The following CUBN variants were observed in gnomAD, a reference collection of about 807,000 sequenced individuals.
The protein encoded by CUBN is cubilin.
A neutral mutation model predicts 405.3 loss-of-function variants in CUBN; 282 were observed. The ratio of observed to expected loss-of-function variants is 0.70; its 90% CI spans 0.63 to 0.77. CUBN has a LOEUF of 0.77. Among genes scored for constraint, CUBN ranks in the 30% least tolerant of loss-of-function variants. CUBN has a pLI of 0.00. For synonymous variants in CUBN, 1,684 were observed against 1,617.0 expected (o/e 1.04, Z -0.99); for missense variants, 4,514 against 4,475.2 (o/e 1.01, Z -0.25).
intron 50 of CUBN, 67 bp from the exon 51 acceptor site, chr10:16,904,182 G>C (rs1841491791): frequency 4.1e-6 from 6 of 1,455,174 alleles, no homozygotes; most frequent in Non-Finnish European, 5.8e-6. Context: ...CAATGAATTT[G>C]ATAAAAACAA....
chr10:16,874,820 G>A (rs1192834923), intron 57 of CUBN, among the ~76,000 whole-genome samples: 3 of 152,070 alleles, frequency 2.0e-5, no homozygotes, highest in Non-Finnish European at 2.9e-5. Flanking sequence ...TCACTTAGCT[G>A]TATTTCATTG....
In CUBN at chr10:17,111,133, C is replaced by G; in HGVS notation, c.884-83G>C. On this transcript the variant is annotated intron_variant, in intron 8 of 66. Transcript: ENST00000377833. ...ATACAAGAGTCAAAACATATAAAAA[C>G]CTTCTCCACCTAAGGAACTATAAAA... is the stretch of plus-strand genomic sequence containing the variant. The G allele has an allele frequency of 2.1e-6, 3 of 1,432,140 alleles. No individual in the cohort carries two copies. In the South Asian group the frequency reaches 3.4e-5, roughly 16 times the overall value. 88.7% of individuals were successfully genotyped at this position (1,432,140 alleles called of 1,614,324 possible).
At chr10:17,072,365 G>C (rs892512677) in intron 17 of CUBN, among the ~76,000 whole-genome samples, 16 of 151,800 alleles carry the variant, frequency 1.1e-4, no homozygotes, top group Admixed American at 1.3e-4. Context: ...TTTTGCCATT[G>C]AAAGAAAAAA....
At chr10:16,923,820 C>T (rs1842107382) in intron 43 of CUBN, among the ~76,000 whole-genome samples, 1 of 152,102 alleles carries the variant, frequency 6.6e-6, no homozygotes, top group Non-Finnish European at 1.5e-5. Flanking sequence ...TCCAGTAATC[C>T]TAGCACTTTG....
rs7070148 is a variant in CUBN at position 17,122,626 on chromosome 10, A to T, written c.593+169T>A. ...GTAAAGGACTCATGAGCTTTTCTTC[A>T]GTTAAGTAAAAATAGCTATGTAGAC... On this transcript the variant is annotated intron_variant, in intron 6 of 66. Transcript: ENST00000377833. The T allele has an allele frequency of 1.4e-5, 9 of 653,660 alleles. No homozygotes were observed. The South Asian group carries it at 1.5e-4, about 11-fold the overall frequency. The allele number at this position is 653,660 out of a possible 1,614,324, so 40.5% of individuals were successfully genotyped here.
intron 27 of CUBN, among the ~76,000 whole-genome samples, chr10:17,031,422 A>G (rs750182394): frequency 6.6e-6 from 1 of 152,158 alleles, no homozygotes; most frequent in Non-Finnish European, 1.5e-5. Context: ...ACTCCGTTTT[A>G]CAGAAAGGGA....
rs370239801 is a variant in CUBN at position 16,954,445 on chromosome 10, C to A, written c.4799G>T (p.Arg1600Ile). ...CTGTCTGGAAGGGCCAGACTGAAAT[C>A]TCAAGAAGAGGCTGTTTCCTGAGGA... is the stretch of plus-strand genomic sequence containing the variant. ...IVSSGNSLFL[R>I]FQSGPSRQNR... Residue 1600 changes from arginine (R) to isoleucine (I), a missense_variant, in exon 32 of 67, where the codon AGA becomes ATA. By Grantham distance (97) the Arg-to-Ile change is moderately conservative. Coordinates refer to ENST00000377833, the MANE Select transcript of CUBN (RefSeq NM_001081.4). The A allele has an allele frequency of 6.2e-7, 1 of 1,614,144 alleles. No homozygotes were observed. The highest frequency in any genetic ancestry group is 8.5e-7 in the Non-Finnish European group (1 of 1,180,030).
chr10:16,986,806 C>T (rs752430202), intron 29 of CUBN, among the ~76,000 whole-genome samples: 7 of 152,200 alleles, frequency 4.6e-5, no homozygotes, highest in Non-Finnish European at 1.0e-4. Flanking sequence ...TGCTCCCAAT[C>T]ACCCAAGCCC....
chr10:16,916,692 T>A (rs1034838074), intron 45 of CUBN, among the ~76,000 whole-genome samples: 1 of 152,204 alleles, frequency 6.6e-6, no homozygotes, highest in Non-Finnish European at 1.5e-5. Flanking sequence ...TCTAAACCTA[T>A]TAGATACCAA....
chr10:16,957,712 C>T (rs1843106559), intron 31 of CUBN, among the ~76,000 whole-genome samples: 2 of 152,162 alleles, frequency 1.3e-5, no homozygotes, highest in African/African-American at 4.8e-5. Context: ...TATGATCCAA[C>T]AGTCTCACTC....
intron 10 of CUBN, among the ~76,000 whole-genome samples, chr10:17,107,571 C>T (rs188687623): frequency 6.7e-6 from 1 of 149,374 alleles, no homozygotes; most frequent in Admixed American, 6.7e-5. Flanking sequence ...GATCTCAGCT[C>T]ACTGTAAGCT....
At position 17,059,499 on chromosome 10, in the gene CUBN, C is replaced by A. The variant is rs151235084; in HGVS notation, c.3139+6009G>T. ...CTATCCAATTACATTGAGGCTCAAT[C>A]TTTAGGCTATGCTTTCTGAAATCAC... On this transcript the variant is annotated intron_variant, in intron 22 of 66. Coordinates refer to ENST00000377833, the MANE Select transcript of CUBN (RefSeq NM_001081.4). Among the ~76,000 whole-genome samples the A allele has an allele frequency of 4.6e-3, 699 of 152,228 alleles. 8 individuals are homozygous for A. The highest frequency in any genetic ancestry group is 0.016 in the African/African-American group (665 of 41,564).
intron 19 of CUBN, 98 bp downstream of exon 19, chr10:17,071,328 A>T: frequency 7.7e-7 from 1 of 1,294,972 alleles, no homozygotes; most frequent in Non-Finnish European, 1.1e-6. Flanking sequence ...GTCTACATAA[A>T]CTACTTTCAT....
intron 17 of CUBN, among the ~76,000 whole-genome samples, chr10:17,078,318 T>C (rs574012326): frequency 2.0e-5 from 3 of 152,316 alleles, no homozygotes; most frequent in Non-Finnish European, 4.4e-5. Context: ...TAGTTTATTT[T>C]TTCTGACTTC....
At chr10:16,858,777 C>T (rs1839934838) in intron 59 of CUBN, among the ~76,000 whole-genome samples, 1 of 152,222 alleles carries the variant, frequency 6.6e-6, no homozygotes, top group African/African-American at 2.4e-5. Flanking sequence ...AGGAGTTAGA[C>T]ACATAATCAA....
At chr10:16,945,719 G>C (rs1350537627) in intron 36 of CUBN, among the ~76,000 whole-genome samples, 1 of 148,370 alleles carries the variant, frequency 6.7e-6, no homozygotes, top group Non-Finnish European at 1.5e-5. Flanking sequence ...GTGAGCTGAG[G>C]TCACTCCATT....
At chr10:17,009,198 G>T (rs189284119) in intron 28 of CUBN, among the ~76,000 whole-genome samples, 4 of 152,322 alleles carry the variant, frequency 2.6e-5, no homozygotes, top group Admixed American at 1.3e-4. Flanking sequence ...CATATTGTGA[G>T]CAGCACAGAG....
intron 27 of CUBN, among the ~76,000 whole-genome samples, chr10:17,033,171 C>A (rs1320763483): frequency 6.6e-6 from 1 of 152,168 alleles, no homozygotes; most frequent in Admixed American, 6.5e-5. Flanking sequence ...AATGTGCCCA[C>A]CCTGCTCTGC....
intron 47 of CUBN, among the ~76,000 whole-genome samples, chr10:16,914,362 C>A (rs1841822193): frequency 6.6e-6 from 1 of 151,972 alleles, no homozygotes; most frequent in Non-Finnish European, 1.5e-5. Flanking sequence ...AGTTCAAGAC[C>A]AGCCTGACCA....
Sources: gnomAD v4.1 joint callset for allele counts (sites outside exome capture counted in the v4.1 genomes callset) on GRCh38, gnomAD v4.1.1 for gene constraint, MANE v1.5 for transcripts, NCBI Gene and HGNC (gene_info 2026-07-23, HGNC 2026-07-21) for gene names.